The following VAMP5 variants were observed in gnomAD, a reference collection of about 807,000 sequenced individuals.
VAMP5 encodes the protein vesicle-associated membrane protein 5.
A neutral mutation model predicts 8.1 loss-of-function variants in VAMP5; 10 were observed. That is an observed-to-expected ratio of 1.23 (90% CI 0.76 to 2.09). The LOEUF is 2.09. VAMP5 is among the 30% of genes most tolerant of loss of function. The probability of loss-of-function intolerance (pLI) is 0.00; values close to 1 mark genes in which losing one functional copy is unlikely to be tolerated. For missense variants in VAMP5, 135 were observed against 152.5 expected (o/e 0.89, Z 0.60); for synonymous variants, 62 against 60.6 (o/e 1.02, Z -0.11).
At chr2:85,587,581 T>TA (rs577522694) in intron 1 of VAMP5, among the ~76,000 whole-genome samples, 1,706 of 137,816 alleles carry the variant, frequency 0.012, 30 homozygotes, top group African/African-American at 0.041. Flanking sequence ...ATCTGACTGC[T>TA]AAAAAAAAAA....
intron 1 of VAMP5, among the ~76,000 whole-genome samples, chr2:85,585,821 C>T (rs1672452810): frequency 6.6e-6 from 1 of 152,196 alleles, no homozygotes; most frequent in Non-Finnish European, 1.5e-5. Flanking sequence ...GCTTTCCTTC[C>T]TTCCACCCAT....
chr2:85,592,915 T>G (rs956371617), intron 2 of VAMP5, 33 bp from the exon 3 acceptor site: 11 of 1,609,172 alleles, frequency 6.8e-6, no homozygotes, highest in Middle Eastern at 2.0e-4. Context: ...GGGTGCCAGC[T>G]AACTCCCACT....
At chr2:85,586,835 A>G (rs1241006903) in intron 1 of VAMP5, among the ~76,000 whole-genome samples, 1 of 152,048 alleles carries the variant, frequency 6.6e-6, no homozygotes, top group Non-Finnish European at 1.5e-5. Flanking sequence ...ACTTTGAGAG[A>G]GAGGCCAAGC....
Position 85,593,159 on chromosome 2 carries a change from C to T in VAMP5, c.*2C>T, listed in dbSNP as rs763872432. On this transcript the variant is annotated 3_prime_UTR_variant, in exon 3 of 3. Coordinates refer to ENST00000306384, the MANE Select transcript of VAMP5 (RefSeq NM_006634.3). ...ATTGCCTCAGGGCCTGGGAACTGAC[C>T]CAGCTGGTCCTGAAGGAGAAGCCAA... 6.2e-7 allele frequency: 1 copy of T among 1,614,060 alleles called. No homozygotes were observed. Among genetic ancestry groups the T allele is most frequent in the South Asian group, 1.1e-5 (1 of 91,060 alleles).
intron 1 of VAMP5, among the ~76,000 whole-genome samples, chr2:85,584,697 C>G (rs1359581615): frequency 6.6e-6 from 1 of 152,250 alleles, no homozygotes; most frequent in Non-Finnish European, 1.5e-5. Flanking sequence ...GCGTGAGCCC[C>G]GTCCTGGCTG....
chr2:85,588,505 C>T (rs770786106), intron 1 of VAMP5, among the ~76,000 whole-genome samples: 10 of 152,012 alleles, frequency 6.6e-5, no homozygotes, highest in South Asian at 2.1e-4. Flanking sequence ...CCTTTCTCCA[C>T]GCTCTGCTTG....
In VAMP5 at chr2:85,593,180, G is replaced by A. The variant is rs375210360; in HGVS notation, c.*23G>A. The A allele has an allele frequency of 5.0e-6, 8 of 1,613,056 alleles. No individual in the cohort carries two copies. In the African/African-American group the frequency reaches 1.1e-4, roughly 22 times the overall value. ...TGACCCAGCTGGTCCTGAAGGAGAA[G>A]CCAAATGGCTGCACTGGCCGATTCT... On this transcript the variant is annotated 3_prime_UTR_variant, in exon 3 of 3. Transcript: ENST00000306384.
Position 85,584,484 on chromosome 2 carries a change from A to G in VAMP5, c.-7A>G, listed in dbSNP as rs1672434258. The G allele has an allele frequency of 3.2e-6, 4 of 1,243,234 alleles. No individual in the cohort carries two copies. The highest frequency in any genetic ancestry group is 4.0e-6 in the Non-Finnish European group (4 of 995,016). The allele number at this position is 1,243,234 out of a possible 1,614,324, so 77.0% of individuals were successfully genotyped here. A position where few individuals can be genotyped will look rare whatever the true frequency, so the allele number is the denominator to read the frequency against. ...CGGGAGCGGGCGAGGCGGCGGCGGCAGCAGCGATGGTGAGGGCCCAGGCGG... is the reference window on the plus strand; with the variant it reads ...CGGGAGCGGGCGAGGCGGCGGCGGCGGCAGCGATGGTGAGGGCCCAGGCGG... On this transcript the variant is annotated 5_prime_UTR_variant, in exon 1 of 3. Transcript: ENST00000306384.
intron 1 of VAMP5, among the ~76,000 whole-genome samples, chr2:85,588,017 G>T (rs1672489511): frequency 6.6e-6 from 1 of 152,056 alleles, no homozygotes; most frequent in Non-Finnish European, 1.5e-5. Flanking sequence ...TTGAGACAGG[G>T]TCTCACTCCT....
intron 1 of VAMP5, among the ~76,000 whole-genome samples, chr2:85,590,114 A>G (rs1672518005): frequency 6.6e-6 from 1 of 152,138 alleles, no homozygotes; most frequent in African/African-American, 2.4e-5. Context: ...TTTCCTGCTT[A>G]CTGCTTCCTC....
intron 2 of VAMP5, 133 bp from the exon 3 acceptor site, chr2:85,592,815 A>G: frequency 1.2e-6 from 1 of 838,564 alleles, no homozygotes; most frequent in Non-Finnish European, 1.8e-6. Flanking sequence ...AAAAAAAAAA[A>G]AGAAAGAAAG....
At chr2:85,591,945 T>C in intron 2 of VAMP5, 83 bp downstream of exon 2, 1 of 1,577,866 alleles carries the variant, frequency 6.3e-7, no homozygotes, top group East Asian at 2.3e-5. Context: ...CTCCAGTTCC[T>C]TGGTGGGGTT....
rs559011052 is a variant in VAMP5 at position 85,588,422 on chromosome 2, C to T, written c.4-3303C>T. On this transcript the variant is annotated intron_variant, in intron 1 of 2. Coordinates refer to ENST00000306384, the MANE Select transcript of VAMP5 (RefSeq NM_006634.3). ...GGCAATTACACAACTGCTCCCCTCT[C>T]GCCCTGGCTCAAAATTCCAAGCCCT... is the stretch of plus-strand genomic sequence containing the variant. Among the ~76,000 whole-genome samples, 7 of 152,290 alleles carry T rather than the reference C, an allele frequency of 4.6e-5. No individual in the cohort carries two copies. The East Asian group carries it at 7.7e-4, about 17-fold the overall frequency.
chr2:85,587,183 A>T (rs1470525342), intron 1 of VAMP5, among the ~76,000 whole-genome samples: 2 of 152,174 alleles, frequency 1.3e-5, no homozygotes, highest in African/African-American at 4.8e-5. Context: ...TATGTGTACA[A>T]GTTTGCCATA....
chr2:85,585,157 G>C (rs768074969), intron 1 of VAMP5, among the ~76,000 whole-genome samples: 3 of 152,256 alleles, frequency 2.0e-5, no homozygotes, highest in Non-Finnish European at 4.4e-5. Context: ...GAAGTTATCA[G>C]TGTATGGCAC....
At position 85,593,221 on chromosome 2, in the gene VAMP5, T is replaced by C; in HGVS notation, c.*64T>C. ...GGCCGATTCTGGTCTCCAGAGGACCTTGGTGTTTGCTCTCCCTTGACCCAC... is the reference window on the plus strand; with the variant it reads ...GGCCGATTCTGGTCTCCAGAGGACCCTGGTGTTTGCTCTCCCTTGACCCAC... On this transcript the variant is annotated 3_prime_UTR_variant, in exon 3 of 3. Coordinates refer to ENST00000306384, the MANE Select transcript of VAMP5 (RefSeq NM_006634.3). 1 of 1,574,274 alleles carries C rather than the reference T, an allele frequency of 6.4e-7. No homozygotes were observed. The highest frequency in any genetic ancestry group is 8.7e-7 in the Non-Finnish European group (1 of 1,154,962).
chr2:85,590,019 G>C (rs34921893), intron 1 of VAMP5, among the ~76,000 whole-genome samples: 244 of 152,190 alleles, frequency 1.6e-3, no homozygotes, highest in Non-Finnish European at 2.7e-3. Flanking sequence ...CTTGTTGAAT[G>C]CTATAGTAGT....
At chr2:85,592,808 A>AC (rs1397736308) in intron 2 of VAMP5, 140 bp from the exon 3 acceptor site, 2 of 791,752 alleles carry the variant, frequency 2.5e-6, no homozygotes, top group Non-Finnish European at 4.0e-6. Flanking sequence ...CTCAAAAAAA[A>AC]AAAAAAAAGA....
intron 1 of VAMP5, among the ~76,000 whole-genome samples, chr2:85,590,008 C>A (rs1011779986): frequency 2.6e-5 from 4 of 152,002 alleles, no homozygotes; most frequent in Non-Finnish European, 4.4e-5. Flanking sequence ...AATGATGGAG[C>A]CTTGTTGAAT....
Sources: allele counts gnomAD v4.1 joint callset (sites outside exome capture counted in the v4.1 genomes callset), GRCh38; gene constraint gnomAD v4.1.1; transcripts MANE v1.5; gene names NCBI Gene and HGNC (gene_info 2026-07-23, HGNC 2026-07-21).